The following CNTNAP5 variants were observed in gnomAD, a reference collection of about 807,000 sequenced individuals.
The protein encoded by CNTNAP5 is contactin-associated protein-like 5.
A neutral mutation model predicts 150.2 loss-of-function variants in CNTNAP5; 72 were observed. The ratio of observed to expected loss-of-function variants is 0.48; its 90% CI spans 0.40 to 0.58. The LOEUF is 0.58. Ranked by LOEUF, CNTNAP5 falls within the 20% of genes least tolerant of loss-of-function variation. CNTNAP5 has a pLI of 0.00. For synonymous variants in CNTNAP5, 672 were observed against 619.8 expected (o/e 1.08, Z -1.25); for missense variants, 1,636 against 1,626.2 (o/e 1.01, Z -0.10).
At chr2:124,411,084 A>C (rs1691747166) in intron 3 of CNTNAP5, among the ~76,000 whole-genome samples, 1 of 152,374 alleles carries the variant, frequency 6.6e-6, no homozygotes, top group African/African-American at 2.4e-5. Flanking sequence ...AACTACCATC[A>C]GAGAATACTA....
chr2:124,899,159 A>G (rs1235363486), intron 21 of CNTNAP5, among the ~76,000 whole-genome samples: 1 of 151,422 alleles, frequency 6.6e-6, no homozygotes, highest in African/African-American at 2.5e-5. Context: ...AATATATACA[A>G]AAACCAAACA....
chr2:124,623,869 A>G (rs974037711), intron 12 of CNTNAP5, among the ~76,000 whole-genome samples: 1 of 152,214 alleles, frequency 6.6e-6, no homozygotes, highest in Non-Finnish European at 1.5e-5. Flanking sequence ...TAATACTTGT[A>G]TTGTTGCTTA....
intron 3 of CNTNAP5, among the ~76,000 whole-genome samples, chr2:124,279,303 T>C (rs1687959709): frequency 6.6e-6 from 1 of 151,976 alleles, no homozygotes; most frequent in African/African-American, 2.4e-5. Context: ...TTCCTATGTG[T>C]AGTTTCCACT....
intron 1 of CNTNAP5, among the ~76,000 whole-genome samples, chr2:124,136,733 AC>A (rs1158873047): frequency 6.6e-6 from 1 of 152,206 alleles, no homozygotes; most frequent in Non-Finnish European, 1.5e-5. Context: ...AGACTAGGGA[AC>A]GTGTAAGCAA....
intron 3 of CNTNAP5, among the ~76,000 whole-genome samples, chr2:124,259,589 T>G (rs550738217): frequency 7.3e-4 from 111 of 152,338 alleles, no homozygotes; most frequent in Non-Finnish European, 1.3e-3. Context: ...GGTTTTGATT[T>G]GCATTTCTCT....
intron 6 of CNTNAP5, among the ~76,000 whole-genome samples, chr2:124,456,854 C>T (rs906018691): frequency 5.9e-5 from 9 of 152,104 alleles, no homozygotes; most frequent in African/African-American, 2.2e-4. Context: ...GGATATTTGG[C>T]AAGCTGCCTG....
At chr2:124,261,283 T>C (rs546676971) in intron 3 of CNTNAP5, among the ~76,000 whole-genome samples, 1 of 152,238 alleles carries the variant, frequency 6.6e-6, no homozygotes, top group Non-Finnish European at 1.5e-5. Flanking sequence ...TACATAAAAC[T>C]CTTCAACAAA....
At chr2:124,092,020 A>C (rs1682826897) in intron 1 of CNTNAP5, among the ~76,000 whole-genome samples, 1 of 152,116 alleles carries the variant, frequency 6.6e-6, no homozygotes, top group Non-Finnish European at 1.5e-5. Flanking sequence ...AACTCAGAGG[A>C]ATGGTAATTC....
At chr2:124,228,200 A>G (rs576768490) in intron 2 of CNTNAP5, among the ~76,000 whole-genome samples, 219 of 152,254 alleles carry the variant, frequency 1.4e-3, no homozygotes, top group Non-Finnish European at 2.4e-3. Context: ...TGGAATTCTG[A>G]TGTCCAGGAA....
rs1298227999 is a variant in CNTNAP5 at position 124,747,351 on chromosome 2, C to G, written c.2200C>G (p.His734Asp). The G allele has an allele frequency of 6.2e-7, 1 of 1,613,692 alleles. No homozygotes were observed. The highest frequency in any genetic ancestry group is 8.5e-7 in the Non-Finnish European group (1 of 1,179,792). Reference protein sequence around the residue: ...GLDESCLDIQHFCNCDADKDE... With the variant: ...GLDESCLDIQDFCNCDADKDE... ...AGACGAGAGCTGCCTGGACATTCAGCACTTTTGCAATTGCGACGCTGACAA... is the reference window on the plus strand; with the variant it reads ...AGACGAGAGCTGCCTGGACATTCAGGACTTTTGCAATTGCGACGCTGACAA... The change falls in exon 14 of 24, where the codon CAC (histidine) becomes GAC (aspartate). Residue 734 changes from histidine (H) to aspartate (D), a missense_variant. Physicochemically the swap from His to Asp is moderately conservative, Grantham distance 81. Coordinates refer to ENST00000682447, the MANE Select transcript of CNTNAP5 (RefSeq NM_001367498.1).
chr2:124,735,449 G>T lies in CNTNAP5; in HGVS notation c.2078-11780G>T, dbSNP rs554659823. The stretch of plus-strand genomic sequence containing the variant: ...AAGACTTTTTTTTTTTTGCTTTTCT[G>T]TTAATTTGTTTTTTAGATAAATCAA... On this transcript the variant is annotated intron_variant, in intron 13 of 23. Coordinates refer to ENST00000682447, the MANE Select transcript of CNTNAP5 (RefSeq NM_001367498.1). 1.2e-3 allele frequency among the ~76,000 whole-genome samples: 173 copies of T among 149,450 alleles called. 3 individuals carry two copies. The highest frequency in any genetic ancestry group is 2.3e-3 in the Admixed American group (34 of 15,090).
intron 13 of CNTNAP5, among the ~76,000 whole-genome samples, chr2:124,670,181 C>CTTCCTTCCTTCCTCTCTT (rs1678789443): frequency 6.9e-6 from 1 of 145,276 alleles, no homozygotes; most frequent in Non-Finnish European, 1.5e-5. Context: ...TCCTTCCTCC[C>CTTCCTTCCTTCCTCTCTT]TCTCTTTCTC....
At chr2:124,534,980 T>C (rs1202094019) in intron 10 of CNTNAP5, among the ~76,000 whole-genome samples, 1 of 152,220 alleles carries the variant, frequency 6.6e-6, no homozygotes, top group Non-Finnish European at 1.5e-5. Context: ...TTCAAAAGCC[T>C]CTGACAGGTT....
At chr2:124,146,579 A>G (rs1684259139) in intron 1 of CNTNAP5, among the ~76,000 whole-genome samples, 1 of 152,098 alleles carries the variant, frequency 6.6e-6, no homozygotes, top group Non-Finnish European at 1.5e-5. Context: ...AATAATTTAT[A>G]TTATATGTGG....
chr2:124,816,662 G>C (rs1426205587), intron 19 of CNTNAP5, among the ~76,000 whole-genome samples: 1 of 151,788 alleles, frequency 6.6e-6, no homozygotes, highest in Non-Finnish European at 1.5e-5. Flanking sequence ...ATTTTTAATA[G>C]AGAAGAGGTT....
intron 1 of CNTNAP5, among the ~76,000 whole-genome samples, chr2:124,155,212 C>T (rs1573797117): frequency 6.6e-6 from 1 of 151,194 alleles, no homozygotes; most frequent in Non-Finnish European, 1.5e-5. Flanking sequence ...TGAGTCTATT[C>T]CATTTTGTAC....
chr2:124,823,620 T>A (rs1478502891), intron 19 of CNTNAP5, among the ~76,000 whole-genome samples: 2 of 152,160 alleles, frequency 1.3e-5, no homozygotes, highest in Non-Finnish European at 2.9e-5. Context: ...GGTGCCCTTA[T>A]CACACTAAAG....
chr2:124,496,513 C>T (rs574860129), intron 7 of CNTNAP5, among the ~76,000 whole-genome samples: 27 of 152,140 alleles, frequency 1.8e-4, no homozygotes, highest in Non-Finnish European at 3.2e-4. Flanking sequence ...GGTGTTGTGG[C>T]GTCTAGATGA....
rs111893177 is a variant in CNTNAP5 at position 124,671,936 on chromosome 2, C to T, written c.2077+23978C>T. Among the ~76,000 whole-genome samples the T allele has an allele frequency of 9.8e-3, 1,492 of 152,224 alleles. 18 individuals are homozygous for T. Among genetic ancestry groups the T allele is most frequent in the Middle Eastern group, 0.01 (3 of 294 alleles). ...ATTACAGGCATGAGCCACCATACCT[C>T]GCCAAGACTCTTTTAAAGAAAGCCC... On this transcript the variant is annotated intron_variant, in intron 13 of 23. Transcript: ENST00000682447.
Sources: gnomAD v4.1 joint callset for allele counts (sites outside exome capture counted in the v4.1 genomes callset) on GRCh38, gnomAD v4.1.1 for gene constraint, MANE v1.5 for transcripts, NCBI Gene and HGNC (gene_info 2026-07-23, HGNC 2026-07-21) for gene names.